Variants in SPIRE1 observed in about 807,000 individuals in gnomAD.
The protein encoded by SPIRE1 is protein spire homolog 1.
SPIRE1 carries 40 observed loss-of-function variants against 94.1 expected under a neutral mutation model. That is an observed-to-expected ratio of 0.43 (90% confidence interval 0.33 to 0.55). The LOEUF is 0.55. SPIRE1 is among the 20% of genes least tolerant of loss of function. The pLI is 0.06. For synonymous variants in SPIRE1, 376 were observed against 371.7 expected, an observed-to-expected ratio of 1.01 and a Z score of -0.13; for missense variants, 838 against 975.2, an observed-to-expected ratio of 0.86 and a Z score of 1.87.
chr18:12,451,501 C>T lies in SPIRE1; in HGVS notation c.2012+754G>A, dbSNP rs528182637. Among the ~76,000 whole-genome samples the T allele has an allele frequency of 7.9e-5, 12 of 152,286 alleles. No individual in the cohort carries two copies. The South Asian group carries it at 2.5e-3, about 32-fold the overall frequency. ...AGTTAAGTATGGAAAACTGTAGCAG[C>T]TGTTATGTGCACTGCCTTGAGCTCA... On this transcript the variant is annotated intron_variant, in intron 16 of 16. Coordinates refer to ENST00000409402, the MANE Select transcript of SPIRE1 (RefSeq NM_001128626.2).
intron 4 of SPIRE1, among the ~76,000 whole-genome samples, chr18:12,525,453 T>A (rs1049356379): frequency 4.6e-5 from 7 of 151,974 alleles, no homozygotes; most frequent in Admixed American, 2.0e-4. Flanking sequence ...ATACATTTTT[T>A]AAAATATCAA....
At chr18:12,595,587 G>A (rs1411906110) in intron 2 of SPIRE1, among the ~76,000 whole-genome samples, 1 of 152,150 alleles carries the variant, frequency 6.6e-6, no homozygotes, top group African/African-American at 2.4e-5. Flanking sequence ...CTGGCAAATG[G>A]CAGACATCTG....
At chr18:12,528,819 C>A (rs902775723) in intron 4 of SPIRE1, among the ~76,000 whole-genome samples, 1 of 152,130 alleles carries the variant, frequency 6.6e-6, no homozygotes, top group African/African-American at 2.4e-5. Context: ...ATCAGGGGAC[C>A]AAGATGCAAG....
At chr18:12,653,838 C>T (rs2038447913) in intron 1 of SPIRE1, among the ~76,000 whole-genome samples, 2 of 151,662 alleles carry the variant, frequency 1.3e-5, no homozygotes, top group South Asian at 2.1e-4. Flanking sequence ...CCCAGCTACT[C>T]GGGAGGCTGA....
intron 9 of SPIRE1, among the ~76,000 whole-genome samples, chr18:12,484,885 C>T (rs933221545): frequency 6.6e-6 from 1 of 152,016 alleles, no homozygotes; most frequent in African/African-American, 2.4e-5. Flanking sequence ...TGGTGAAACC[C>T]TGTCTCTATT....
At position 12,451,793 on chromosome 18, in the gene SPIRE1, C is replaced by G. The variant is rs184583402; in HGVS notation, c.2012+462G>C. Among the ~76,000 whole-genome samples the G allele has an allele frequency of 2.8e-4, 43 of 152,270 alleles. 2 individuals are homozygous for G. In the East Asian group the frequency reaches 7.7e-3, roughly 27 times the overall value. The stretch of plus-strand genomic sequence containing the variant: ...GACTGATACTGAGGTGATGTTTTTT[C>G]TTTTAAATTATTAGCTCTTGGCATA... On this transcript the variant is annotated intron_variant, in intron 16 of 16. Coordinates refer to ENST00000409402, the MANE Select transcript of SPIRE1 (RefSeq NM_001128626.2).
At chr18:12,647,134 A>C (rs2038250191) in intron 1 of SPIRE1, among the ~76,000 whole-genome samples, 1 of 152,150 alleles carries the variant, frequency 6.6e-6, no homozygotes, top group South Asian at 2.1e-4. Flanking sequence ...ATTATTAGGA[A>C]TATAAACCCT....
chr18:12,454,759 ACT>A (rs1167327213), intron 12 of SPIRE1, among the ~76,000 whole-genome samples: 3 of 152,118 alleles, frequency 2.0e-5, no homozygotes, highest in Non-Finnish European at 4.4e-5. Context: ...GACTCAAGTA[ACT>A]CTATTCCGTT....
intron 4 of SPIRE1, among the ~76,000 whole-genome samples, chr18:12,524,980 AG>A (rs1254332804): frequency 6.6e-6 from 1 of 151,410 alleles, no homozygotes; most frequent in Non-Finnish European, 1.5e-5. Context: ...TCTAGGAAGA[AG>A]AAAAAAAAAA....
chr18:12,538,659 T>C (rs1193164358), intron 3 of SPIRE1, among the ~76,000 whole-genome samples: 1 of 151,944 alleles, frequency 6.6e-6, no homozygotes, highest in East Asian at 1.9e-4. Context: ...CAAAGACAGC[T>C]CAAACAACTC....
chr18:12,610,013 C>G (rs897721443), intron 2 of SPIRE1, among the ~76,000 whole-genome samples: 4 of 152,078 alleles, frequency 2.6e-5, no homozygotes, highest in African/African-American at 7.2e-5. Context: ...GAACCTGGAA[C>G]TGGGAGGAGG....
intron 8 of SPIRE1, among the ~76,000 whole-genome samples, chr18:12,490,073 C>G (rs905068372): frequency 6.6e-6 from 1 of 152,128 alleles, no homozygotes; most frequent in Non-Finnish European, 1.5e-5. Context: ...TGACCAAAAT[C>G]CCTTACTTTA....
intron 8 of SPIRE1, 77 bp from the exon 9 acceptor site, chr18:12,486,077 C>T (rs1598920686): frequency 7.0e-6 from 8 of 1,141,646 alleles, no homozygotes; most frequent in East Asian, 5.3e-5. Context: ...AAAAAGGGAA[C>T]GGATTAATGA....
chr18:12,525,575 G>A (rs757631508), intron 4 of SPIRE1, among the ~76,000 whole-genome samples: 126 of 151,948 alleles, frequency 8.3e-4, no homozygotes, highest in Non-Finnish European at 1.5e-3. Context: ...CATTTATGGG[G>A]GATTGGAGTG....
intron 4 of SPIRE1, among the ~76,000 whole-genome samples, chr18:12,525,681 T>A (rs2034501065): frequency 1.3e-5 from 2 of 152,122 alleles, no homozygotes; most frequent in South Asian, 4.1e-4. Flanking sequence ...GCTTCCTCGC[T>A]CACACCAGCT....
In SPIRE1 at chr18:12,448,827, G is replaced by A. The variant is rs896233438; in HGVS notation, c.*811C>T. 3 of 152,296 alleles carry A rather than the reference G, an allele frequency of 2.0e-5. No individual in the cohort carries two copies. Among genetic ancestry groups the A allele is most frequent in the East Asian group, 1.9e-4 (1 of 5,202 alleles). 9.4% of individuals were successfully genotyped at this position (152,296 alleles called of 1,614,324 possible). A position where few individuals can be genotyped will look rare whatever the true frequency, so the allele number is the denominator to read the frequency against. ...CCCTTCTCATAGGTAACCAAAATAC[G>A]CTCAACGTCTTGACAAACTTTTAGC... On this transcript the variant is annotated 3_prime_UTR_variant, in exon 17 of 17. Coordinates refer to ENST00000409402, the MANE Select transcript of SPIRE1 (RefSeq NM_001128626.2). This position sits in a 1 kb window ranked among gnomAD's most constrained non-coding sequence, Gnocchi z 4.4.
At chr18:12,528,800 C>A (rs1021196154) in intron 4 of SPIRE1, among the ~76,000 whole-genome samples, 1 of 152,196 alleles carries the variant, frequency 6.6e-6, no homozygotes, top group African/African-American at 2.4e-5. Context: ...TTGGAGATAA[C>A]TGAAGAGCAT....
Position 12,449,769 on chromosome 18 carries a change from T to G in SPIRE1, c.2140A>C (p.Ser714Arg). ...DCKKFISEIISSSRRSLVLAN... is the reference protein window; with the variant it reads ...DCKKFISEIIRSSRRSLVLAN... ...AACACCAGACTGCGCCGGCTTGAAC[T>G]GATGATTTCCGAAATGAACTTCTTG... The change falls in exon 17 of 17, where the codon AGT becomes CGT. Residue 714 changes from serine (S) to arginine (R), a missense_variant. By Grantham distance (110) the Ser-to-Arg change is moderately radical (BLOSUM62 -1). This residue lies in a region of SPIRE1 where 645 missense variants were observed against 804.7 expected (regional missense o/e 0.80). Transcript: ENST00000409402. 1 of 1,614,166 alleles carries G rather than the reference T, an allele frequency of 6.2e-7. No homozygotes were observed. Among genetic ancestry groups the G allele is most frequent in the East Asian group, 2.2e-5 (1 of 44,874 alleles).
At chr18:12,564,978 A>G (rs1240689465) in intron 2 of SPIRE1, among the ~76,000 whole-genome samples, 1 of 152,188 alleles carries the variant, frequency 6.6e-6, no homozygotes, top group Non-Finnish European at 1.5e-5. Context: ...ACAAAAGAAG[A>G]AAGAAAGAAA....
Sources: gnomAD v4.1 joint callset for allele counts (sites outside exome capture counted in the v4.1 genomes callset) on GRCh38, gnomAD v4.1.1 for gene constraint, gnomAD v4.1.1 regional missense constraint, Gnocchi (gnomAD v3.1) non-coding constraint, MANE v1.5 for transcripts, NCBI Gene and HGNC (gene_info 2026-07-23, HGNC 2026-07-21) for gene names.